ADCY4: variants seen among roughly 807,000 people sequenced by gnomAD.
ADCY4 encodes adenylate cyclase type 4.
In ADCY4, 111 loss-of-function variants were observed where a neutral mutation model predicts 125.5. The observed-to-expected ratio is 0.88, with a 90% CI of 0.76 to 1.04. The LOEUF (loss-of-function observed/expected upper bound fraction) is 1.04, where lower values mean the gene tolerates loss of function less well. Ranked by LOEUF, ADCY4 falls within the 50% of genes least tolerant of loss-of-function variation. ADCY4 has a pLI of 0.00. For synonymous variants in ADCY4, 576 were observed against 586.9 expected (o/e 0.98, Z 0.27); for missense variants, 1,256 against 1,382.9 (o/e 0.91, Z 1.46).
At position 24,318,662 on chromosome 14, in the gene ADCY4, T is replaced by A; in HGVS notation, c.3073A>T (p.Lys1025Ter). 1.2e-6 allele frequency: 2 copies of A among 1,614,166 alleles called. No homozygotes were observed. The highest frequency in any genetic ancestry group is 2.2e-5 in the South Asian group (2 of 91,084). ...SRMESTGVLGKIQVTEETAWA... is the reference protein window; with the variant it reads ...SRMESTGVLG ...CAATGTGGTTCCCTCACTTGGATTTTGCCAAGGACTCCTGTACTCTCCATG... is the reference window on the plus strand; with the variant it reads ...CAATGTGGTTCCCTCACTTGGATTTAGCCAAGGACTCCTGTACTCTCCATG... The change falls in exon 24 of 25, where the codon AAA becomes TAA. Residue 1025 changes from lysine to a stop codon, truncating the protein, a stop_gained. Coordinates refer to ENST00000418030, the MANE Select transcript of ADCY4 (RefSeq NM_001198568.2). LOFTEE classifies it high-confidence loss of function.
At position 24,332,897 on chromosome 14, in the gene ADCY4, C is replaced by T. The variant is rs989411184; in HGVS notation, c.251G>A (p.Arg84Gln). The T allele has an allele frequency of 2.5e-6, 4 of 1,605,376 alleles. No homozygotes were observed. The highest frequency in any genetic ancestry group is 3.4e-6 in the Non-Finnish European group (4 of 1,175,570). The change falls in exon 2 of 25, where the codon CGA (arginine) becomes CAA (glutamine). Residue 84 changes from arginine to glutamine, a missense_variant. By Grantham distance (43) the Arg-to-Gln change is conservative (BLOSUM62 1). Transcript: ENST00000418030. The stretch of plus-strand genomic sequence containing the variant: ...CAGGGGACGCGTCCAGCGCTGCAGT[C>T]GCTGCTCCCGGGAAGCGAGGCCCAG... ...LLLGLASREQ[R>Q]LQRWTRPLSG...
intron 1 of ADCY4, among the ~76,000 whole-genome samples, chr14:24,334,170 C>T (rs1160555760): frequency 2.0e-5 from 3 of 152,162 alleles, no homozygotes; most frequent in Non-Finnish European, 2.9e-5. Flanking sequence ...AATGAATTCC[C>T]CAGGGGCCTC....
In ADCY4 at chr14:24,319,792, C is replaced by T. The variant is rs1240136152; in HGVS notation, c.2683G>A (p.Gly895Ser). ...TTGAGCAGCCTCAGACACTCTAGGC[C>T]CTCATGATTGATGTTGGATTCAGAG... ...FYSESNINHEGLECLRLLNEI... is the reference protein window; with the variant it reads ...FYSESNINHESLECLRLLNEI... The change falls in exon 21 of 25, where the codon GGC becomes AGC. Residue 895 changes from glycine (G) to serine (S), a missense_variant. Gly to Ser is a moderately conservative substitution (Grantham distance 56). Coordinates refer to ENST00000418030, the MANE Select transcript of ADCY4 (RefSeq NM_001198568.2). The surrounding 1 kb of genome is among the most constrained non-coding windows in gnomAD (Gnocchi z 4.5). 1 of 1,613,960 alleles carries T rather than the reference C, an allele frequency of 6.2e-7. No homozygotes were observed. The highest frequency in any genetic ancestry group is 8.5e-7 in the Non-Finnish European group (1 of 1,180,042).
chr14:24,332,246 T>A (rs1292748929), intron 3 of ADCY4: 1 of 461,388 alleles, frequency 2.2e-6, no homozygotes, highest in East Asian at 3.4e-5. Context: ...ACTTTTTTTT[T>A]TTTTTTTTCA....
intron 10 of ADCY4, 93 bp downstream of exon 10, chr14:24,328,968 G>C (rs1323709709): frequency 6.9e-7 from 1 of 1,452,554 alleles, no homozygotes; most frequent in African/African-American, 1.4e-5. Context: ...GTGGCTCACT[G>C]GTGGTGGGGG....
Position 24,325,905 on chromosome 14 carries a change from G to A in ADCY4, c.1656-18C>T, listed in dbSNP as rs1370759277. 1.9e-6 allele frequency: 3 copies of A among 1,580,158 alleles called. No individual in the cohort carries two copies. The highest frequency in any genetic ancestry group is 2.3e-5 in the East Asian group (1 of 44,116). On this transcript the variant is annotated intron_variant, in intron 12 of 24. Coordinates refer to ENST00000418030, the MANE Select transcript of ADCY4 (RefSeq NM_001198568.2). ...TCCACTGTCTGGTGGGAGGTGGGAG[G>A]GTGGGTGAAAGCACCAGAGAACAGA...
At position 24,319,965 on chromosome 14, in the gene ADCY4, T is replaced by A. The variant is rs771257445; in HGVS notation, c.2587-77A>T. The A allele has an allele frequency of 1.5e-4, 228 of 1,517,968 alleles. No individual in the cohort carries two copies. The highest frequency in any genetic ancestry group is 2.4e-4 in the Middle Eastern group (1 of 4,206). 94.0% of individuals were successfully genotyped at this position (1,517,968 alleles called of 1,614,324 possible). On this transcript the variant is annotated intron_variant, in intron 20 of 24. Transcript: ENST00000418030. This position sits in a 1 kb window ranked among gnomAD's most constrained non-coding sequence, Gnocchi z 4.5. The stretch of plus-strand genomic sequence containing the variant: ...TCTAGAGGTCTGCGTGGGGCCCTCC[T>A]CCCCATGTCCACACTCCTGGTCTCC...
At chr14:24,326,187 C>T (rs747962604) in intron 11 of ADCY4, 22 bp from the exon 12 acceptor site, 1 of 1,608,080 alleles carries the variant, frequency 6.2e-7, no homozygotes, top group South Asian at 1.1e-5. Context: ...GAGCCAAGTC[C>T]ATCACCACAG....
At position 24,331,134 on chromosome 14, in the gene ADCY4, A is replaced by G. The variant is rs369404971; in HGVS notation, c.819-5T>C. 6.8e-6 allele frequency: 11 copies of G among 1,613,202 alleles called. No homozygotes were observed. Among genetic ancestry groups the G allele is most frequent in the African/African-American group, 4.0e-5 (3 of 74,922 alleles). ...ACGATGTCAGCATACAGCACGCTGC[A>G]TAGGGCAGACTGTGTCAGCAGGGCC... On this transcript the variant is annotated splice_polypyrimidine_tract_variant and splice_region_variant and intron_variant, in intron 5 of 24. Coordinates refer to ENST00000418030, the MANE Select transcript of ADCY4 (RefSeq NM_001198568.2).
In ADCY4 at chr14:24,326,299, C is replaced by T. The variant is rs373390780; in HGVS notation, c.1568G>A (p.Arg523Gln). The T allele has an allele frequency of 4.3e-5, 70 of 1,613,928 alleles. No individual in the cohort carries two copies. The highest frequency in any genetic ancestry group is 7.7e-5 in the South Asian group (7 of 91,082). ...GGCAAAGACTTTGAGGCCTCCTCAC[C>T]GATCCAGGCTCCACTGGGTGCTGAA... ...ASFSTQWSLD[R>Q]SRTPRGLDDE... is the part of the protein sequence containing the mutation. The change falls in exon 11 of 25, where the codon CGG becomes CAG. Residue 523 changes from arginine (R) to glutamine (Q), a missense_variant and splice_region_variant. Arg to Gln is a conservative substitution (Grantham distance 43). Coordinates refer to ENST00000418030, the MANE Select transcript of ADCY4 (RefSeq NM_001198568.2).
In ADCY4 at chr14:24,332,950, C is replaced by T; in HGVS notation, c.198G>A (p.Leu66=). 6 of 1,586,600 alleles carry T rather than the reference C, an allele frequency of 3.8e-6. No homozygotes were observed. The highest frequency in any genetic ancestry group is 5.2e-6 in the Non-Finnish European group (6 of 1,164,398). ...TSDPSFLTTV[L]CALGGFSLLL... ...GCAGCGAGAAGCCGCCCAGCGCGCACAGCACAGTGGTCAGGAAGCTCGGGT... is the reference window on the plus strand; with the variant it reads ...GCAGCGAGAAGCCGCCCAGCGCGCATAGCACAGTGGTCAGGAAGCTCGGGT... The change falls in exon 2 of 25, where the codon CTG becomes CTA. Residue 66 remains leucine (L), a synonymous_variant. Coordinates refer to ENST00000418030, the MANE Select transcript of ADCY4 (RefSeq NM_001198568.2).
Position 24,322,159 on chromosome 14 carries a change from T to A in ADCY4, c.2493A>T (p.Thr831=). 1 of 1,614,166 alleles carries A rather than the reference T, an allele frequency of 6.2e-7. No individual in the cohort carries two copies. The highest frequency in any genetic ancestry group is 8.5e-7 in the Non-Finnish European group (1 of 1,180,012). The part of the protein sequence containing the change: ...KKKLRQEREE[T]ETMENLTRLL... ...GCCGAGTCAGGTTCTCCATCGTCTC[T>A]GTCTCCTCCCTCTCCTGCCTCAGCT... is the stretch of plus-strand genomic sequence containing the variant. The change falls in exon 20 of 25, where the codon ACA becomes ACT. Residue 831 remains threonine (T), a synonymous_variant. Coordinates refer to ENST00000418030, the MANE Select transcript of ADCY4 (RefSeq NM_001198568.2).
intron 23 of ADCY4, 117 bp downstream of exon 23, chr14:24,318,980 AG>A: frequency 1.4e-6 from 2 of 1,412,106 alleles, no homozygotes; most frequent in Non-Finnish European, 2.0e-6. Flanking sequence ...CATCCCAGGG[AG>A]TGAGTCAGGA....
In ADCY4 at chr14:24,332,891, T is replaced by C. The variant is rs774056541; in HGVS notation, c.257A>G (p.Gln86Arg). The part of the protein sequence containing the change: ...LGLASREQRL[Q>R]RWTRPLSGLV... ...GCCGGACAGGGGACGCGTCCAGCGCTGCAGTCGCTGCTCCCGGGAAGCGAG... is the reference window on the plus strand; with the variant it reads ...GCCGGACAGGGGACGCGTCCAGCGCCGCAGTCGCTGCTCCCGGGAAGCGAG... The change falls in exon 2 of 25, where the codon CAG becomes CGG. Residue 86 changes from glutamine (Q) to arginine (R), a missense_variant. By Grantham distance (43) the Gln-to-Arg change is conservative (BLOSUM62 1). Coordinates refer to ENST00000418030, the MANE Select transcript of ADCY4 (RefSeq NM_001198568.2). 1.2e-6 allele frequency: 2 copies of C among 1,605,096 alleles called. No individual in the cohort carries two copies. The highest frequency in any genetic ancestry group is 1.7e-6 in the Non-Finnish European group (2 of 1,175,452).
In ADCY4 at chr14:24,329,955, T is replaced by C. The variant is rs906246325; in HGVS notation, c.1122A>G (p.Val374=). 27 of 1,614,008 alleles carry C rather than the reference T, an allele frequency of 1.7e-5. No homozygotes were observed. Among genetic ancestry groups the C allele is most frequent in the Non-Finnish European group, 1.9e-5 (22 of 1,180,008 alleles). The change falls in exon 8 of 25, where the codon GTA becomes GTG. Residue 374 remains valine, a synonymous_variant. Coordinates refer to ENST00000418030, the MANE Select transcript of ADCY4 (RefSeq NM_001198568.2). Reference sequence around the variant, plus strand: ...TCTGCAGCCCGATGACTCCACACAGTACGCTGCCTGAGTGCACGCCCACAC... The same window carrying C: ...TCTGCAGCCCGATGACTCCACACAGCACGCTGCCTGAGTGCACGCCCACAC... ...NMRVGVHSGS[V]LCGVIGLQKW...
intron 10 of ADCY4, among the ~76,000 whole-genome samples, chr14:24,328,228 G>A (rs1293361279): frequency 1.1e-5 from 1 of 87,650 alleles, no homozygotes. Context: ...CGGGAAAGCG[G>A]GGTGGGGGGG....
intron 10 of ADCY4, among the ~76,000 whole-genome samples, chr14:24,326,922 G>GTTTTTTTTT (rs2041957233): frequency 1.1e-5 from 1 of 91,192 alleles, no homozygotes; most frequent in African/African-American, 5.1e-5. Context: ...TTGCAACGGA[G>GTTTTTTTTT]TTTCGCTCTT....
intron 14 of ADCY4, 148 bp from the exon 15 acceptor site, chr14:24,324,539 A>G: frequency 1.1e-6 from 1 of 901,822 alleles, no homozygotes; most frequent in Non-Finnish European, 1.7e-6. Flanking sequence ...GATAGAAGAC[A>G]TTGCATTCTG....
chr14:24,329,637 C>T, intron 8 of ADCY4, 104 bp from the exon 9 acceptor site: 1 of 1,457,736 alleles, frequency 6.9e-7, no homozygotes, highest in Non-Finnish European at 9.1e-7. Flanking sequence ...CATCTCATGT[C>T]TTTTAAAGAT....
Sources: gnomAD v4.1 joint callset for allele counts (sites outside exome capture counted in the v4.1 genomes callset) on GRCh38, gnomAD v4.1.1 for gene constraint, Gnocchi (gnomAD v3.1) non-coding constraint, MANE v1.5 for transcripts, NCBI Gene and HGNC (gene_info 2026-07-23, HGNC 2026-07-21) for gene names.